PTPRK: variants seen among roughly 807,000 people sequenced by gnomAD.
PTPRK encodes the protein receptor-type tyrosine-protein phosphatase kappa.
Under a neutral mutation model 178.0 loss-of-function variants are expected in PTPRK, and 75 were observed. The ratio of observed to expected loss-of-function variants is 0.42; its 90% confidence interval spans 0.35 to 0.51. The LOEUF (loss-of-function observed/expected upper bound fraction) is 0.51, where lower values mean the gene tolerates loss of function less well. Ranked by LOEUF, PTPRK falls within the 20% of genes least tolerant of loss-of-function variation. PTPRK has a pLI of 0.02. For synonymous variants in PTPRK, 637 were observed against 620.6 expected, an observed-to-expected ratio of 1.03 and a Z score of -0.39; for missense variants, 1,441 against 1,797.8, an observed-to-expected ratio of 0.80 and a Z score of 3.59.
chr6:128,035,574 C>G (rs1441588494), intron 13 of PTPRK, among the ~76,000 whole-genome samples: 1 of 152,054 alleles, frequency 6.6e-6, no homozygotes, highest in Non-Finnish European at 1.5e-5. Flanking sequence ...GTGGACATAT[C>G]TGTATTCTAT....
intron 2 of PTPRK, among the ~76,000 whole-genome samples, chr6:128,396,676 A>C (rs1425525183): frequency 6.6e-6 from 1 of 152,166 alleles, no homozygotes; most frequent in Non-Finnish European, 1.5e-5. Context: ...CCCAAAACCC[A>C]AAATCAAAGG....
rs149887169 is a variant in PTPRK at position 128,244,749 on chromosome 6, A to G, written c.496-2147T>C. Among the ~76,000 whole-genome samples, 7 of 152,324 alleles carry G rather than the reference A, an allele frequency of 4.6e-5. No individual in the cohort carries two copies. In the East Asian group the frequency reaches 1.3e-3, roughly 29 times the overall value. On this transcript the variant is annotated intron_variant, in intron 3 of 29. Transcript: ENST00000368226. ...GTACAGACTGAAAACCTCTAGTAGGAGGAGGTGAAAACCTCTAGCAGGAGG... is the reference window on the plus strand; with the variant it reads ...GTACAGACTGAAAACCTCTAGTAGGGGGAGGTGAAAACCTCTAGCAGGAGG...
At chr6:128,339,219 T>A (rs114813985) in intron 2 of PTPRK, among the ~76,000 whole-genome samples, 1 of 152,184 alleles carries the variant, frequency 6.6e-6, no homozygotes, top group African/African-American at 2.4e-5. Context: ...CAGCTAACTT[T>A]TAAAATTAAT....
At chr6:128,156,481 AAG>A (rs371126341) in intron 7 of PTPRK, among the ~76,000 whole-genome samples, 19 of 150,252 alleles carry the variant, frequency 1.3e-4, no homozygotes, top group Non-Finnish European at 1.3e-4. Flanking sequence ...ATGGTGGAGC[AAG>A]AGAGAGAGAG....
intron 21 of PTPRK, among the ~76,000 whole-genome samples, chr6:127,989,160 G>A (rs1347538366): frequency 6.6e-6 from 1 of 151,934 alleles, no homozygotes; most frequent in African/African-American, 2.4e-5. Context: ...TTATTACTAA[G>A]TTCATCATTG....
At chr6:128,432,772 A>ACACACACACACACACACACC (rs965738083) in intron 1 of PTPRK, among the ~76,000 whole-genome samples, 5 of 150,946 alleles carry the variant, frequency 3.3e-5, no homozygotes, top group African/African-American at 9.8e-5. Flanking sequence ...ACACACACAC[A>ACACACACACACACACACACC]CCCTAACTCA....
chr6:128,384,596 A>G (rs1293075385), intron 2 of PTPRK, among the ~76,000 whole-genome samples: 1 of 152,214 alleles, frequency 6.6e-6, no homozygotes, highest in Non-Finnish European at 1.5e-5. Context: ...GTTGTGAGTT[A>G]CATTCAAATA....
At chr6:128,087,859 T>G (rs899601537) in intron 8 of PTPRK, among the ~76,000 whole-genome samples, 2 of 152,154 alleles carry the variant, frequency 1.3e-5, no homozygotes, top group Admixed American at 6.5e-5. Flanking sequence ...ACTTCTCTTA[T>G]TACAACAAAA....
At chr6:128,265,720 AG>A (rs908264236) in intron 3 of PTPRK, among the ~76,000 whole-genome samples, 1 of 152,164 alleles carries the variant, frequency 6.6e-6, no homozygotes, top group Non-Finnish European at 1.5e-5. Context: ...TGAATCTCTA[AG>A]GTGGTACAAC....
At chr6:128,090,295 C>T (rs1184546874) in intron 7 of PTPRK, among the ~76,000 whole-genome samples, 2 of 152,306 alleles carry the variant, frequency 1.3e-5, no homozygotes, top group South Asian at 4.2e-4. Context: ...GCTGTTGTTA[C>T]TGCCCAATTC....
intron 3 of PTPRK, among the ~76,000 whole-genome samples, chr6:128,247,939 T>G (rs1815775678): frequency 6.6e-6 from 1 of 152,224 alleles, no homozygotes; most frequent in South Asian, 2.1e-4. Flanking sequence ...TAAATTCATG[T>G]TTTTTATTTT....
chr6:128,026,761 C>T (rs1422664107), intron 13 of PTPRK, among the ~76,000 whole-genome samples: 3 of 152,088 alleles, frequency 2.0e-5, no homozygotes, highest in Non-Finnish European at 2.9e-5. Context: ...TATCATTTTC[C>T]TTCTCACTGT....
At chr6:128,315,690 A>G (rs1283230015) in intron 3 of PTPRK, among the ~76,000 whole-genome samples, 1 of 152,214 alleles carries the variant, frequency 6.6e-6, no homozygotes, top group African/African-American at 2.4e-5. Context: ...AAAATTGAAA[A>G]GACTACAAAT....
At chr6:128,176,571 C>T (rs1316010586) in intron 7 of PTPRK, among the ~76,000 whole-genome samples, 2 of 151,786 alleles carry the variant, frequency 1.3e-5, no homozygotes, top group Admixed American at 6.6e-5. Context: ...TCATTTTTTA[C>T]TGAGTTCACA....
chr6:128,018,953 A>T (rs1562445881), intron 13 of PTPRK, among the ~76,000 whole-genome samples: 1 of 152,130 alleles, frequency 6.6e-6, no homozygotes, highest in Admixed American at 6.5e-5. Context: ...TCCTTTAGAG[A>T]GCGTATAAAC....
rs184044892 is a variant in PTPRK, at chr6:128,237,253, A to G, written c.693+2782T>C. Among the ~76,000 whole-genome samples, 36 of 152,336 alleles carry G rather than the reference A, an allele frequency of 2.4e-4. 1 individual carries two copies. The East Asian group carries it at 7.0e-3, about 29-fold the overall frequency. ...AGCTCAATACTACATAATGTAAGTT[A>G]TTTGGAGGACATATAAAGTTGATTG... On this transcript the variant is annotated intron_variant, in intron 5 of 29. Coordinates refer to ENST00000368226, the MANE Select transcript of PTPRK (RefSeq NM_002844.4).
intron 20 of PTPRK, 124 bp downstream of exon 20, chr6:127,991,170 A>T (rs1776560989): frequency 8.6e-6 from 6 of 694,110 alleles, no homozygotes; most frequent in Middle Eastern, 2.6e-4. Flanking sequence ...GAAGTACTCA[A>T]CTAAAATGTT....
chr6:128,322,349 A>G lies in PTPRK; in HGVS notation c.224-39T>C, dbSNP rs371844195. ...ACAAATAATAATGCTAAAGAGATATATAAGCAAAGGGAACATATAACAATA... is the reference window on the plus strand; with the variant it reads ...ACAAATAATAATGCTAAAGAGATATGTAAGCAAAGGGAACATATAACAATA... On this transcript the variant is annotated intron_variant, in intron 2 of 29. Transcript: ENST00000368226. 1.2e-5 allele frequency: 18 copies of G among 1,498,774 alleles called. No individual in the cohort carries two copies. The African/African-American group carries it at 1.3e-4, about 10-fold the overall frequency. The allele number at this position is 1,498,774 out of a possible 1,614,324, so 92.8% of individuals were successfully genotyped here.
At chr6:128,383,794 A>G (rs1838293221) in intron 2 of PTPRK, among the ~76,000 whole-genome samples, 3 of 152,200 alleles carry the variant, frequency 2.0e-5, no homozygotes, top group African/African-American at 7.2e-5. Context: ...GAACAATAGC[A>G]TATCTTTAAC....
Sources: gnomAD v4.1 joint callset for allele counts (sites outside exome capture counted in the v4.1 genomes callset) on GRCh38, gnomAD v4.1.1 for gene constraint, MANE v1.5 for transcripts, NCBI Gene and HGNC (gene_info 2026-07-23, HGNC 2026-07-21) for gene names.